Variants in TPR observed in about 807,000 individuals in gnomAD.
TPR encodes the protein translocated promoter region, nuclear basket protein, also known as nucleoprotein TPR.
A neutral mutation model predicts 316.1 loss-of-function variants in TPR; 51 were observed. That is an observed-to-expected ratio of 0.16 (90% CI 0.13 to 0.20). The LOEUF (loss-of-function observed/expected upper bound fraction) is 0.20, where lower values mean the gene tolerates loss of function less well. TPR is among the 10% of genes least tolerant of loss of function. The pLI is 1.00. For synonymous variants in TPR, 981 were observed against 914.7 expected (o/e 1.07, Z -1.31); for missense variants, 2,272 against 2,754.8 (o/e 0.82, Z 3.92).
Position 186,374,996 on chromosome 1 carries a change from G to T in TPR, c.33C>A (p.Arg11=). Residue 11 remains arginine, a synonymous_variant, in exon 1 of 51, where the codon CGC becomes CGA. Coordinates refer to ENST00000367478, the MANE Select transcript of TPR (RefSeq NM_003292.3). MAAVLQQVLE[R]TELNKLPKSV... ...ACTTGGGCAGCTTGTTCAGCTCCGT[G>T]CGCTCCAGGACTTGCTGCAACACCG... The T allele has an allele frequency of 6.2e-7, 1 of 1,614,100 alleles. No individual in the cohort carries two copies. Among genetic ancestry groups the T allele is most frequent in the Non-Finnish European group, 8.5e-7 (1 of 1,180,036 alleles).
At chr1:186,314,766 T>C (rs1657542374) in intron 49 of TPR, 42 bp from the exon 50 acceptor site, 2 of 1,353,476 alleles carry the variant, frequency 1.5e-6, no homozygotes, top group Non-Finnish European at 2.1e-6. Flanking sequence ...AGTGAAAAAA[T>C]GAGAAAGCAT....
In TPR at chr1:186,358,528, C is replaced by CA; in HGVS notation, c.1497+14dup. On this transcript the variant is annotated intron_variant, in intron 13 of 50. Transcript: ENST00000367478. ...AGGTTTTTAAAAGTAGGAAAACAAACAAAAAAATTCTAACCTGTTGTGAAA... is the reference window on the plus strand; with the variant it reads ...AGGTTTTTAAAAGTAGGAAAACAAACAAAAAAAATTCTAACCTGTTGTGAAA... 2 of 1,599,198 alleles carry CA rather than the reference C, an allele frequency of 1.3e-6. No homozygotes were observed. The highest frequency in any genetic ancestry group is 1.4e-5 in the African/African-American group (1 of 74,044).
At chr1:186,341,970 T>A (rs1195297518) in intron 27 of TPR, 2 of 147,630 alleles carry the variant, frequency 1.4e-5, no homozygotes, top group Non-Finnish European at 3.0e-5. Context: ...ATTACTATTA[T>A]AATTTTTTTT....
chr1:186,344,396 C>T lies in TPR; in HGVS notation c.3396G>A (p.Glu1132=), dbSNP rs763281247. 6.2e-7 allele frequency: 1 copy of T among 1,613,642 alleles called. No homozygotes were observed. The highest frequency in any genetic ancestry group is 2.2e-5 in the East Asian group (1 of 44,870). ...SQLLECKASW[E]ERERMLKDEV... is the part of the protein sequence containing the mutation. ...ATACCTTTAACATTCTCTCTCTTTC[C>T]TCCCAAGATGCTTTACACTCCAACA... is the stretch of plus-strand genomic sequence containing the variant. Residue 1132 remains glutamate, a synonymous_variant, in exon 25 of 51, where the codon GAG becomes GAA. Transcript: ENST00000367478.
chr1:186,343,763 T>A, intron 26 of TPR, 143 bp downstream of exon 26: 1 of 902,192 alleles, frequency 1.1e-6, no homozygotes, highest in South Asian at 2.0e-5. Context: ...TGTGTAAATG[T>A]TAAAAGTTAT....
rs1277443701 is a variant in TPR at position 186,312,756 on chromosome 1, A to G, written c.*1215T>C. On this transcript the variant is annotated 3_prime_UTR_variant, in exon 51 of 51. Transcript: ENST00000367478. Reference sequence around the variant, plus strand: ...TTTAATCTGGTATCTTTTATTAAACATGCCACTTACAGGTGTCCTTCATAA... The same window carrying G: ...TTTAATCTGGTATCTTTTATTAAACGTGCCACTTACAGGTGTCCTTCATAA... The G allele has an allele frequency of 1.2e-6, 2 of 1,612,162 alleles. No individual in the cohort carries two copies. Among genetic ancestry groups the G allele is most frequent in the Non-Finnish European group, 1.7e-6 (2 of 1,178,300 alleles).
Position 186,339,670 on chromosome 1 carries a change from T to C in TPR, c.4123A>G (p.Ile1375Val), listed in dbSNP as rs1292152590. 3 of 1,587,714 alleles carry C rather than the reference T, an allele frequency of 1.9e-6. No individual in the cohort carries two copies. Among genetic ancestry groups the C allele is most frequent in the Non-Finnish European group, 1.7e-6 (2 of 1,168,042 alleles). ...GCAATTTCAGCTTTAAGTCTACCAATTTCTTCTGTCAATTGTTGAATACGC... is the reference window on the plus strand; with the variant it reads ...GCAATTTCAGCTTTAAGTCTACCAACTTCTTCTGTCAATTGTTGAATACGC... ...TKRIQQLTEE[I>V]GRLKAEIARS... The change falls in exon 30 of 51, where the codon ATT (isoleucine) becomes GTT (valine). Residue 1375 changes from isoleucine (I) to valine (V), a missense_variant. By Grantham distance (29) the Ile-to-Val change is conservative. Around this residue, in one of 10 missense-constraint regions of TPR, gnomAD observed 96 missense variants for 134.6 expected, o/e 0.71. Transcript: ENST00000367478.
Position 186,317,442 on chromosome 1 carries a change from ATGTATAAAAAC to A in TPR, c.6940+29_6940+39del. ...AGCAGTGTTTTCACAAACAAGTTTG[ATGTATAAAAAC>A]TGTATTGCAGTCAAGGGCAGGGACT... On this transcript the variant is annotated intron_variant, in intron 49 of 50. Coordinates refer to ENST00000367478, the MANE Select transcript of TPR (RefSeq NM_003292.3). 2.1e-6 allele frequency: 3 copies of A among 1,462,970 alleles called. No homozygotes were observed. The Admixed American group carries it at 5.0e-5, about 24-fold the overall frequency. 90.6% of individuals were successfully genotyped at this position (1,462,970 alleles called of 1,614,324 possible).
rs988882308 is a variant in TPR, at chr1:186,366,879, G to A, written c.427+1007C>T. On this transcript the variant is annotated intron_variant, in intron 4 of 50. Coordinates refer to ENST00000367478, the MANE Select transcript of TPR (RefSeq NM_003292.3). ...TATCTAGATTTTATGAATTCGTTTA[G>A]TTGTAACTACCACTTGTTGATCAAC... 4.9e-4 allele frequency among the ~76,000 whole-genome samples: 74 copies of A among 151,706 alleles called. No individual in the cohort carries two copies. In the Middle Eastern group the frequency reaches 0.01, roughly 21 times the overall value.
intron 3 of TPR, among the ~76,000 whole-genome samples, chr1:186,368,200 A>T (rs1209129298): frequency 6.6e-6 from 1 of 152,190 alleles, no homozygotes; most frequent in African/African-American, 2.4e-5. Flanking sequence ...AATTTTTCTC[A>T]TATCTCTTTT....
At position 186,333,315 on chromosome 1, in the gene TPR, A is replaced by T; in HGVS notation, c.5262T>A (p.Asn1754Lys). ...TSGSVRSTSP[N>K]VQPSISQPIL... ...TAGGTTGAGAGATAGAAGGCTGGAC[A>T]TTAGGACTAGTAGAACGAACGGATC... The change falls in exon 37 of 51, where the codon AAT (asparagine) becomes AAA (lysine). Residue 1754 changes from asparagine (N) to lysine (K), a missense_variant. Asn to Lys is a moderately conservative substitution (Grantham distance 94, BLOSUM62 0). This residue lies in a region of TPR where 435 missense variants were observed against 461.1 expected (regional missense o/e 0.94). Transcript: ENST00000367478. 1 of 1,613,742 alleles carries T rather than the reference A, an allele frequency of 6.2e-7. No individual in the cohort carries two copies. The highest frequency in any genetic ancestry group is 8.5e-7 in the Non-Finnish European group (1 of 1,179,734).
At chr1:186,373,582 T>G (rs927481689) in intron 1 of TPR, 119 bp from the exon 2 acceptor site, 8 of 570,252 alleles carry the variant, frequency 1.4e-5, no homozygotes, top group Non-Finnish European at 2.4e-5. Flanking sequence ...ATTAGAATTG[T>G]GCTCCACATA....
At chr1:186,316,969 GT>G (rs1379620276) in intron 49 of TPR, among the ~76,000 whole-genome samples, 1 of 152,170 alleles carries the variant, frequency 6.6e-6, no homozygotes, top group Non-Finnish European at 1.5e-5. Flanking sequence ...CTCTGAAACT[GT>G]TTACATCAGT....
intron 33 of TPR, among the ~76,000 whole-genome samples, chr1:186,335,984 G>T (rs1010890372): frequency 6.6e-6 from 1 of 152,076 alleles, no homozygotes; most frequent in Non-Finnish European, 1.5e-5. Context: ...AAATCCAACT[G>T]ATTTGACATT....
chr1:186,350,161 T>C (rs1658817542), intron 21 of TPR, 62 bp downstream of exon 21: 1 of 1,392,814 alleles, frequency 7.2e-7, no homozygotes, highest in African/African-American at 1.5e-5. Flanking sequence ...TGACAGGATA[T>C]ATTATAATCC....
chr1:186,313,660 A>C lies in TPR; in HGVS notation c.*311T>G. On this transcript the variant is annotated 3_prime_UTR_variant, in exon 51 of 51. Coordinates refer to ENST00000367478, the MANE Select transcript of TPR (RefSeq NM_003292.3). Reference sequence around the variant, plus strand: ...GCATTGTTTTCTTTTTAACTAAAAAAATGTTTTCTCTTCCATTTAGATCAA... The same window carrying C: ...GCATTGTTTTCTTTTTAACTAAAAACATGTTTTCTCTTCCATTTAGATCAA... The C allele has an allele frequency of 1.4e-6, 2 of 1,460,312 alleles. No individual in the cohort carries two copies. Among genetic ancestry groups the C allele is most frequent in the Non-Finnish European group, 1.9e-6 (2 of 1,040,674 alleles). The allele number at this position is 1,460,312 out of a possible 1,614,324, so 90.5% of individuals were successfully genotyped here. A position where few individuals can be genotyped will look rare whatever the true frequency, so the allele number is the denominator to read the frequency against.
In TPR at chr1:186,322,037, T is replaced by G. The variant is rs186680745; in HGVS notation, c.6461+281A>C. ...TTGCTACCGCTAGTAAACAGTAGAG[T>G]TAGGTTTCAAACACAGGCATTCTAA... On this transcript the variant is annotated intron_variant, in intron 45 of 50. Coordinates refer to ENST00000367478, the MANE Select transcript of TPR (RefSeq NM_003292.3). Among the ~76,000 whole-genome samples the G allele has an allele frequency of 5.3e-5, 8 of 152,312 alleles. No individual in the cohort carries two copies. In the East Asian group the frequency reaches 7.7e-4, roughly 15 times the overall value.
chr1:186,356,589 T>A lies in TPR; in HGVS notation c.1725-140A>T, dbSNP rs948524550. On this transcript the variant is annotated intron_variant, in intron 14 of 50. Coordinates refer to ENST00000367478, the MANE Select transcript of TPR (RefSeq NM_003292.3). ...TCTCATTATTTTTTTTCATGCTGAGTATTTTATGAACTACTTTTTAAATCC... is the reference window on the plus strand; with the variant it reads ...TCTCATTATTTTTTTTCATGCTGAGAATTTTATGAACTACTTTTTAAATCC... 2.8e-5 allele frequency: 22 copies of A among 774,356 alleles called. No homozygotes were observed. The Admixed American group carries it at 6.5e-4, about 23-fold the overall frequency. 48.0% of individuals were successfully genotyped at this position (774,356 alleles called of 1,614,324 possible). A position where few individuals can be genotyped will look rare whatever the true frequency, so the allele number is the denominator to read the frequency against.
In TPR at chr1:186,364,435, C is replaced by T. The variant is rs191393713; in HGVS notation, c.428-990G>A. 1.8e-3 allele frequency among the ~76,000 whole-genome samples: 275 copies of T among 152,042 alleles called. 6 individuals are homozygous for T. Among genetic ancestry groups the T allele is most frequent in the Admixed American group, 0.012 (187 of 15,274 alleles). On this transcript the variant is annotated intron_variant, in intron 4 of 50. Coordinates refer to ENST00000367478, the MANE Select transcript of TPR (RefSeq NM_003292.3). Reference sequence around the variant, plus strand: ...ATTCGTAAAGCCATCACTGCAGCTACGCCAGCAAGCATAAAAAAGTGCATT... The same window carrying T: ...ATTCGTAAAGCCATCACTGCAGCTATGCCAGCAAGCATAAAAAAGTGCATT...
Sources: gnomAD v4.1 joint callset for allele counts (sites outside exome capture counted in the v4.1 genomes callset) on GRCh38, gnomAD v4.1.1 for gene constraint, gnomAD v4.1.1 regional missense constraint, MANE v1.5 for transcripts, NCBI Gene and HGNC (gene_info 2026-07-23, HGNC 2026-07-21) for gene names.